Variants in ARHGAP42 observed in about 807,000 individuals in gnomAD.
ARHGAP42 encodes the protein rho GTPase-activating protein 42.
In ARHGAP42, 63 loss-of-function variants were observed where a neutral mutation model predicts 125.0. That is an observed-to-expected ratio of 0.50 (90% CI 0.41 to 0.62). The LOEUF (loss-of-function observed/expected upper bound fraction) is 0.62, where lower values mean the gene tolerates loss of function less well. Ranked by LOEUF, ARHGAP42 falls within the 20% of genes least tolerant of loss-of-function variation. ARHGAP42 has a pLI of 0.00. For synonymous variants in ARHGAP42, 339 were observed against 351.0 expected (o/e 0.97, Z 0.38); for missense variants, 766 against 1,024.2 (o/e 0.75, Z 3.44).
intron 5 of ARHGAP42, among the ~76,000 whole-genome samples, chr11:100,915,516 T>C (rs585183): frequency 0.79 from 120,373 of 152,142 alleles, 48,132 homozygotes; most frequent in East Asian, 1. Context: ...TGAAAGGATA[T>C]TGCTTAAACC....
chr11:100,785,474 G>A (rs1278156488), intron 2 of ARHGAP42, among the ~76,000 whole-genome samples: 1 of 152,216 alleles, frequency 6.6e-6, no homozygotes, highest in Non-Finnish European at 1.5e-5. Flanking sequence ...TGAACTTTTA[G>A]TGTCCTTGTG....
chr11:100,737,266 C>T (rs902701177), intron 1 of ARHGAP42, among the ~76,000 whole-genome samples: 9 of 152,128 alleles, frequency 5.9e-5, no homozygotes, highest in Non-Finnish European at 8.8e-5. Context: ...ATCTCTGCTT[C>T]CATTCCCACA....
At chr11:100,973,069 A>G (rs1040241263) in intron 17 of ARHGAP42, 106 bp from the exon 18 acceptor site, 37 of 1,026,632 alleles carry the variant, frequency 3.6e-5, no homozygotes, top group Non-Finnish European at 4.7e-5. Context: ...CAATTTCCCT[A>G]TAATGGCATA....
At chr11:100,858,117 G>GTGTGTGTGTGTGTGTGTGTGTT (rs33909850) in intron 3 of ARHGAP42, among the ~76,000 whole-genome samples, 19 of 134,528 alleles carry the variant, frequency 1.4e-4, no homozygotes, top group African/African-American at 2.1e-4. Context: ...GTGTGTGTGT[G>GTGTGTGTGTGTGTGTGTGTGTT]TGTGTGTTTA....
intron 3 of ARHGAP42, among the ~76,000 whole-genome samples, chr11:100,832,084 AT>A (rs1337534523): frequency 6.6e-6 from 1 of 152,182 alleles, no homozygotes; most frequent in Non-Finnish European, 1.5e-5. Flanking sequence ...CTCTATGTCT[AT>A]CAGATAATCT....
chr11:100,939,510 G>T (rs1433686406), intron 8 of ARHGAP42, among the ~76,000 whole-genome samples: 1 of 151,912 alleles, frequency 6.6e-6, no homozygotes, highest in African/African-American at 2.4e-5. Context: ...GTAGGTCACA[G>T]GCTCAGTTTT....
At chr11:100,744,737 G>T (rs1343130419) in intron 1 of ARHGAP42, among the ~76,000 whole-genome samples, 1 of 152,100 alleles carries the variant, frequency 6.6e-6, no homozygotes, top group African/African-American at 2.4e-5. Flanking sequence ...TCAGATACTG[G>T]TTGTAGTAGC....
chr11:100,785,595 T>C lies in ARHGAP42; in HGVS notation c.251-9510T>C, dbSNP rs1863414360. Among the ~76,000 whole-genome samples the C allele has an allele frequency of 2.0e-5, 3 of 152,068 alleles. No homozygotes were observed. In the South Asian group the frequency reaches 6.2e-4, roughly 32 times the overall value. ...CACTAGGGTGGGTGGTGGCAGGAGC[T>C]TGGGTGCAGAAGAGCATGAATGGGA... On this transcript the variant is annotated intron_variant, in intron 2 of 23. Coordinates refer to ENST00000298815, the MANE Select transcript of ARHGAP42 (RefSeq NM_152432.4).
intron 3 of ARHGAP42, among the ~76,000 whole-genome samples, chr11:100,851,180 C>A (rs1865196508): frequency 6.6e-6 from 1 of 152,048 alleles, no homozygotes; most frequent in African/African-American, 2.4e-5. Flanking sequence ...CTGCGCCTGG[C>A]CAGGAGATAG....
chr11:100,746,217 G>C (rs2120351931), intron 1 of ARHGAP42, among the ~76,000 whole-genome samples: 1 of 152,326 alleles, frequency 6.6e-6, no homozygotes, highest in East Asian at 1.9e-4. Flanking sequence ...ATCCCTTCAG[G>C]TCTCCAAGGA....
At chr11:100,987,806 A>AAAATAAATAAAT (rs5794089) in intron 23 of ARHGAP42, among the ~76,000 whole-genome samples, 2,396 of 142,496 alleles carry the variant, frequency 0.017, 55 homozygotes, top group East Asian at 0.094. Flanking sequence ...CCCAACCCAC[A>AAAATAAATAAAT]AAATAAATAA....
At chr11:100,923,262 A>T (rs770261289) in intron 6 of ARHGAP42, among the ~76,000 whole-genome samples, 1 of 152,140 alleles carries the variant, frequency 6.6e-6, no homozygotes, top group African/African-American at 2.4e-5. Context: ...GGGATTTTTG[A>T]ATTTCAGCTC....
chr11:100,714,076 A>C (rs1861609966), intron 1 of ARHGAP42, among the ~76,000 whole-genome samples: 1 of 152,222 alleles, frequency 6.6e-6, no homozygotes. Context: ...ATATGGTATC[A>C]GTATCCTGCA....
At chr11:100,709,546 C>T (rs567569694) in intron 1 of ARHGAP42, among the ~76,000 whole-genome samples, 1 of 152,186 alleles carries the variant, frequency 6.6e-6, no homozygotes, top group South Asian at 2.1e-4. Context: ...TGGAATTTTC[C>T]ATTTAATATT....
intron 21 of ARHGAP42, 128 bp downstream of exon 21, chr11:100,977,099 AG>A (rs962580065): frequency 2.3e-4 from 132 of 569,654 alleles, no homozygotes; most frequent in Non-Finnish European, 2.7e-4. Flanking sequence ...GAGTGGGTAC[AG>A]TCCACTTCTG....
chr11:100,704,850 A>G (rs984647712), intron 1 of ARHGAP42, among the ~76,000 whole-genome samples: 4 of 67,500 alleles, frequency 5.9e-5, no homozygotes, highest in African/African-American at 2.5e-4. Flanking sequence ...GGTGGCATGC[A>G]CCTATAGTCC....
intron 22 of ARHGAP42, 43 bp downstream of exon 22, chr11:100,979,092 G>A: frequency 6.5e-7 from 1 of 1,536,812 alleles, no homozygotes; most frequent in Non-Finnish European, 8.8e-7. Flanking sequence ...AAAAAGTGGT[G>A]ACATTGTTGC....
At chr11:100,761,392 C>T (rs1468839981) in intron 1 of ARHGAP42, among the ~76,000 whole-genome samples, 1 of 152,324 alleles carries the variant, frequency 6.6e-6, no homozygotes, top group East Asian at 1.9e-4. Flanking sequence ...CATTGTGCCA[C>T]TGTTCTTTAC....
At chr11:100,826,997 A>C (rs1864531342) in intron 3 of ARHGAP42, among the ~76,000 whole-genome samples, 1 of 142,766 alleles carries the variant, frequency 7.0e-6, no homozygotes, top group Non-Finnish European at 1.5e-5. Context: ...TGTGAGCCTT[A>C]CATCCTTTTT....
Sources: gnomAD v4.1 joint callset for allele counts (sites outside exome capture counted in the v4.1 genomes callset) on GRCh38, gnomAD v4.1.1 for gene constraint, MANE v1.5 for transcripts, NCBI Gene and HGNC (gene_info 2026-07-23, HGNC 2026-07-21) for gene names.